PARP14: variants seen among roughly 807,000 people sequenced by gnomAD.
The protein encoded by PARP14 is poly(ADP-ribose) polymerase family member 14, also known as protein mono-ADP-ribosyltransferase PARP14.
Under a neutral mutation model 154.2 loss-of-function variants are expected in PARP14, and 59 were observed. The ratio of observed to expected loss-of-function variants is 0.38; its 90% confidence interval spans 0.31 to 0.48. PARP14 has a LOEUF of 0.48. Among genes scored for constraint, PARP14 ranks in the 20% least tolerant of loss-of-function variants. The pLI is 0.98. For synonymous variants in PARP14, 720 were observed against 780.5 expected (o/e 0.92, Z 1.29); for missense variants, 1,734 against 2,131.6 (o/e 0.81, Z 3.67).
chr3:122,684,927 C>A (rs1938322117), intron 1 of PARP14, among the ~76,000 whole-genome samples: 1 of 152,162 alleles, frequency 6.6e-6, no homozygotes, highest in African/African-American at 2.4e-5. Context: ...ATTAACCTTA[C>A]AAATAGACAA....
intron 3 of PARP14, among the ~76,000 whole-genome samples, chr3:122,690,862 C>T (rs767753763): frequency 6.6e-6 from 1 of 152,182 alleles, no homozygotes; most frequent in African/African-American, 2.4e-5. Context: ...TAGTTGGCAG[C>T]TGTGATGGTG....
chr3:122,713,949 A>G lies in PARP14; in HGVS notation c.3832+15A>G, dbSNP rs368757769. Reference sequence around the variant, plus strand: ...TTCTCAGCAAGGTAAGGCATATTCTATTTTTTGGTCCTAAGTTGTAATTGT... The same window carrying G: ...TTCTCAGCAAGGTAAGGCATATTCTGTTTTTTGGTCCTAAGTTGTAATTGT... On this transcript the variant is annotated intron_variant, in intron 11 of 16. Coordinates refer to ENST00000474629, the MANE Select transcript of PARP14 (RefSeq NM_017554.3). 46 of 1,603,398 alleles carry G rather than the reference A, an allele frequency of 2.9e-5. No homozygotes were observed. The highest frequency in any genetic ancestry group is 1.1e-4 in the African/African-American group (8 of 74,698).
chr3:122,719,075 TA>T, intron 14 of PARP14, 117 bp downstream of exon 14: 1 of 1,043,546 alleles, frequency 9.6e-7, no homozygotes, highest in Non-Finnish European at 1.3e-6. Context: ...ACTAATGAAA[TA>T]AACTAGAAAA....
At chr3:122,718,026 T>C (rs1466715255) in intron 12 of PARP14, 45 bp from the exon 13 acceptor site, 1 of 1,478,954 alleles carries the variant, frequency 6.8e-7, no homozygotes, top group Admixed American at 1.7e-5. Context: ...GCCTTCCACT[T>C]GGGGCTTTTT....
intron 6 of PARP14, among the ~76,000 whole-genome samples, chr3:122,703,268 T>C (rs951046298): frequency 6.6e-6 from 1 of 152,168 alleles, no homozygotes; most frequent in Non-Finnish European, 1.5e-5. Context: ...AGTCCAGATG[T>C]CTTGGCACTC....
intron 1 of PARP14, among the ~76,000 whole-genome samples, chr3:122,682,660 G>A (rs999258728): frequency 4.6e-5 from 7 of 152,076 alleles, no homozygotes; most frequent in Admixed American, 4.6e-4. Context: ...TTCCATCCTT[G>A]ACCGGCCCCA....
At position 122,681,118 on chromosome 3, in the gene PARP14, C is replaced by A; in HGVS notation, c.187+48C>A. On this transcript the variant is annotated intron_variant, in intron 1 of 16. Transcript: ENST00000474629. This position sits in a 1 kb window ranked among gnomAD's most constrained non-coding sequence, Gnocchi z 5.5. ...TGAGGAGGGGGCACCTCTGCCCTCC[C>A]TCCAGGGAAATGGCGGCAGGGCACG... The A allele has an allele frequency of 6.8e-7, 1 of 1,463,184 alleles. No homozygotes were observed. Among genetic ancestry groups the A allele is most frequent in the South Asian group, 1.2e-5 (1 of 85,614 alleles). The allele number at this position is 1,463,184 out of a possible 1,614,324, so 90.6% of individuals were successfully genotyped here. A position where few individuals can be genotyped will look rare whatever the true frequency, so the allele number is the denominator to read the frequency against.
chr3:122,706,739 G>GT (rs11328504), intron 8 of PARP14, among the ~76,000 whole-genome samples: 2 of 149,154 alleles, frequency 1.3e-5, no homozygotes, highest in African/African-American at 4.9e-5. Context: ...GATGTTACTT[G>GT]TTTTTTTTCC....
At chr3:122,712,046 A>T (rs1939333668) in intron 9 of PARP14, among the ~76,000 whole-genome samples, 1 of 151,616 alleles carries the variant, frequency 6.6e-6, no homozygotes, top group Non-Finnish European at 1.5e-5. Context: ...TTTTTGTTTC[A>T]TTTTTATCTT....
chr3:122,681,058 T>TGAA lies in PARP14; in HGVS notation c.175_176insGAA (p.Tyr59delinsTer). 6.2e-7 allele frequency: 1 copy of TGAA among 1,612,616 alleles called. No individual in the cohort carries two copies. The highest frequency in any genetic ancestry group is 8.5e-7 in the Non-Finnish European group (1 of 1,178,772). On this transcript the variant is annotated stop_gained, in exon 1 of 17. Coordinates refer to ENST00000474629, the MANE Select transcript of PARP14 (RefSeq NM_017554.3). LOFTEE classifies it high-confidence loss of function. This position sits in a 1 kb window ranked among gnomAD's most constrained non-coding sequence, Gnocchi z 5.5. ...CCCATCCCGCTTCCTGGTGTTCTTC[T>TGAA]ACCCGGAGGACGGTGAGGGGCGCGA... is the stretch of plus-strand genomic sequence containing the variant.
At position 122,701,231 on chromosome 3, in the gene PARP14, T is replaced by G. The variant is rs769541841; in HGVS notation, c.2677T>G (p.Cys893Gly). The G allele has an allele frequency of 1.2e-6, 2 of 1,613,524 alleles. No individual in the cohort carries two copies. The highest frequency in any genetic ancestry group is 1.7e-6 in the Non-Finnish European group (2 of 1,179,696). Residue 893 changes from cysteine (C) to glycine (G), a missense_variant, in exon 6 of 17, where the codon TGT (cysteine) becomes GGT (glycine). Physicochemically the swap from Cys to Gly is radical, Grantham distance 159. Coordinates refer to ENST00000474629, the MANE Select transcript of PARP14 (RefSeq NM_017554.3). The surrounding 1 kb of genome is among the most constrained non-coding windows in gnomAD (Gnocchi z 4.0). Reference protein sequence around the residue: ...PRWSGYEAPRCVYLLRRAVQL... With the variant: ...PRWSGYEAPRGVYLLRRAVQL... ...CTGGAGCGGATATGAGGCCCCGAGG[T>G]GTGTGTACCTATTAAGGAGAGCTGT...
At position 122,728,843 on chromosome 3, in the gene PARP14, T is replaced by A; in HGVS notation, c.*246T>A. On this transcript the variant is annotated 3_prime_UTR_variant, in exon 17 of 17. Coordinates refer to ENST00000474629, the MANE Select transcript of PARP14 (RefSeq NM_017554.3). ...AGTTGCAACTGTGTGTCCACAAGTA[T>A]GGACATCAAATCTGTGGGAAAAGAA... 1 of 439,244 alleles carries A rather than the reference T, an allele frequency of 2.3e-6. No homozygotes were observed. Among genetic ancestry groups the A allele is most frequent in the Non-Finnish European group, 4.1e-6 (1 of 241,172 alleles). The allele number at this position is 439,244 out of a possible 1,614,324, so 27.2% of individuals were successfully genotyped here.
rs1938939678 is a variant in PARP14, at chr3:122,700,792, T to C, written c.2238T>C (p.Asp746=). The part of the protein sequence containing the change: ...DSVCVKSVHT[D]KPGAKQFFQD... ...TCTGTGTTAAAAGTGTCCATACTGA[T>C]AAGCCAGGAGCCAAGCAGTTCTTCC... Residue 746 remains aspartate, a synonymous_variant, in exon 6 of 17, where the codon GAT becomes GAC. Coordinates refer to ENST00000474629, the MANE Select transcript of PARP14 (RefSeq NM_017554.3). 6.2e-7 allele frequency: 1 copy of C among 1,613,588 alleles called. No individual in the cohort carries two copies. Among genetic ancestry groups the C allele is most frequent in the Admixed American group, 1.7e-5 (1 of 59,942 alleles).
intron 15 of PARP14, among the ~76,000 whole-genome samples, chr3:122,723,238 C>A (rs2107655459): frequency 6.6e-6 from 1 of 152,304 alleles, no homozygotes; most frequent in East Asian, 1.9e-4. Context: ...CCACATCTGG[C>A]CACAGTCCAT....
Position 122,718,382 on chromosome 3 carries a change from T to C in PARP14, c.4231T>C (p.Ser1411Pro), listed in dbSNP as rs1463462211. Residue 1411 changes from serine to proline, a missense_variant, in exon 14 of 17, where the codon TCT becomes CCT. This residue lies in a region of PARP14 where 1,646 missense variants were observed against 1,976.0 expected (regional missense o/e 0.83). Transcript: ENST00000474629. ...LASFLGFSKQ[S>P]PQKKNHLVLE... ...AGCATTTTTGGGCTTTTCAAAGCAATCTCCCCAAAAAAAGAATCATTTGGT... is the reference window on the plus strand; with the variant it reads ...AGCATTTTTGGGCTTTTCAAAGCAACCTCCCCAAAAAAAGAATCATTTGGT... The C allele has an allele frequency of 3.7e-6, 6 of 1,612,078 alleles. No homozygotes were observed. Among genetic ancestry groups the C allele is most frequent in the Non-Finnish European group, 5.1e-6 (6 of 1,179,352 alleles).
In PARP14 at chr3:122,681,445, T is replaced by C. The variant is rs542234548; in HGVS notation, c.187+375T>C. On this transcript the variant is annotated intron_variant, in intron 1 of 16. Transcript: ENST00000474629. This position sits in a 1 kb window ranked among gnomAD's most constrained non-coding sequence, Gnocchi z 5.5. ...CCTTTTCTGTCTTTTCCTGTTGTTA[T>C]TATTCTTGTGTGGGGAAGGAAACTG... Among the ~76,000 whole-genome samples, 1 of 152,360 alleles carries C rather than the reference T, an allele frequency of 6.6e-6. No homozygotes were observed.
At chr3:122,716,109 A>G (rs1371847082) in intron 12 of PARP14, among the ~76,000 whole-genome samples, 1 of 152,140 alleles carries the variant, frequency 6.6e-6, no homozygotes, top group Admixed American at 6.5e-5. Flanking sequence ...GGTGTATATG[A>G]GTTGAATTAA....
At chr3:122,720,104 G>T in intron 14 of PARP14, 151 bp from the exon 15 acceptor site, 1 of 745,638 alleles carries the variant, frequency 1.3e-6, no homozygotes, top group Non-Finnish European at 2.1e-6. Flanking sequence ...TAGGTTGTCT[G>T]TTGTTCATGC....
At chr3:122,728,221 TAGAA>T (rs1933339253) in intron 16 of PARP14, 83 bp from the exon 17 acceptor site, 1 of 1,255,908 alleles carries the variant, frequency 8.0e-7, no homozygotes. Flanking sequence ...AGAGAGGCTT[TAGAA>T]AGAACATTAT....
Sources: allele counts gnomAD v4.1 joint callset (sites outside exome capture counted in the v4.1 genomes callset), GRCh38; gene constraint gnomAD v4.1.1; regional missense constraint gnomAD v4.1.1; non-coding constraint Gnocchi (gnomAD v3.1); transcripts MANE v1.5; gene names NCBI Gene and HGNC (gene_info 2026-07-23, HGNC 2026-07-21).